Variants in WAC observed in about 807,000 individuals in gnomAD.
WAC encodes WW domain-containing adapter protein with coiled-coil.
WAC carries 11 observed loss-of-function variants against 79.6 expected under a neutral mutation model. That is an observed-to-expected ratio of 0.14 (90% CI 0.09 to 0.23). The LOEUF (loss-of-function observed/expected upper bound fraction) is 0.23. WAC is among the 10% of genes least tolerant of loss of function. The pLI, the probability that WAC is intolerant of heterozygous loss-of-function variation, is 1.00. For missense variants in WAC, 728 were observed against 773.5 expected, an observed-to-expected ratio of 0.94 and a Z score of 0.70; for synonymous variants, 304 against 276.9, an observed-to-expected ratio of 1.10 and a Z score of -0.97.
intron 1 of WAC, 163 bp downstream of exon 1, chr10:28,533,783 C>T: frequency 1.0e-6 from 1 of 986,100 alleles, no homozygotes; most frequent in East Asian, 3.0e-5. Flanking sequence ...GGCGGGAACG[C>T]AGTGTGGCGG....
At chr10:28,580,357 G>A (rs535261768) in intron 3 of WAC, among the ~76,000 whole-genome samples, 3 of 152,290 alleles carry the variant, frequency 2.0e-5, no homozygotes, top group South Asian at 2.1e-4. Flanking sequence ...TCACTAAAGC[G>A]GAGTGAATTT....
At chr10:28,614,407 A>C (rs1252346377) in intron 10 of WAC, among the ~76,000 whole-genome samples, 160 bp from the exon 11 acceptor site, 1 of 152,142 alleles carries the variant, frequency 6.6e-6, no homozygotes, top group Non-Finnish European at 1.5e-5. Flanking sequence ...TTTGATAGGG[A>C]AGTAATTTTA....
At position 28,552,346 on chromosome 10, in the gene WAC, C is replaced by T. The variant is rs546604383; in HGVS notation, c.274+16589C>T. ...CAGAATCAGGTGGTTAAAATCAGGC[C>T]TGTTGGTCAGAGTGGTAGTTTATAT... On this transcript the variant is annotated intron_variant, in intron 3 of 13. Coordinates refer to ENST00000354911, the MANE Select transcript of WAC (RefSeq NM_016628.5). Among the ~76,000 whole-genome samples, 11 of 152,186 alleles carry T rather than the reference C, an allele frequency of 7.2e-5. No individual in the cohort carries two copies. The South Asian group carries it at 1.0e-3, about 14-fold the overall frequency.
At chr10:28,582,844 T>C (rs1839608994) in intron 3 of WAC, among the ~76,000 whole-genome samples, 1 of 152,206 alleles carries the variant, frequency 6.6e-6, no homozygotes, top group African/African-American at 2.4e-5. Flanking sequence ...GAAAAGAGTC[T>C]TGATGTCATC....
rs1420022275 is a variant in WAC, at chr10:28,611,131, A to G, written c.1288+310A>G. 61 of 634,084 alleles carry G rather than the reference A, an allele frequency of 9.6e-5. 1 individual carries two copies. The South Asian group carries it at 1.1e-3, about 11-fold the overall frequency. The allele number at this position is 634,084 out of a possible 1,614,324, so 39.3% of individuals were successfully genotyped here. On this transcript the variant is annotated intron_variant, in intron 9 of 13. Coordinates refer to ENST00000354911, the MANE Select transcript of WAC (RefSeq NM_016628.5). ...TTTATGCCAAAGCTGAAAGTAAACT[A>G]TGATGTGCCATATATCTTTGTGAAA...
intron 1 of WAC, 144 bp from the exon 2 acceptor site, chr10:28,533,854 T>G: frequency 1.8e-6 from 2 of 1,118,736 alleles, no homozygotes; most frequent in Non-Finnish European, 2.6e-6. Flanking sequence ...GGCTCCGGGT[T>G]TGTGCCGTGT....
chr10:28,596,384 C>CA (rs752988352), intron 7 of WAC, among the ~76,000 whole-genome samples: 23 of 152,112 alleles, frequency 1.5e-4, no homozygotes, highest in Non-Finnish European at 2.8e-4. Context: ...TAAATCGTCT[C>CA]AGTTTTCTCT....
intron 2 of WAC, chr10:28,535,155 G>A (rs1299870627): frequency 1.4e-5 from 2 of 146,212 alleles, no homozygotes; most frequent in Non-Finnish European, 3.0e-5. Flanking sequence ...GCAAAAATAT[G>A]CATGTGCTTA....
In WAC at chr10:28,563,744, C is replaced by CTTTTTTTTTTTTTTTTT. The variant is rs71281550; in HGVS notation, c.275-19642_275-19626dup. 1.4e-3 allele frequency among the ~76,000 whole-genome samples: 98 copies of CTTTTTTTTTTTTTTTTT among 67,906 alleles called. 10 individuals carry two copies. Among genetic ancestry groups the CTTTTTTTTTTTTTTTTT allele is most frequent in the Non-Finnish European group, 1.9e-3 (74 of 38,898 alleles). 44.5% of individuals were successfully genotyped at this position (67,906 alleles called of 152,430 possible). On this transcript the variant is annotated intron_variant, in intron 3 of 13. Transcript: ENST00000354911. The stretch of plus-strand genomic sequence containing the variant: ...ACAAGTGCATGCTGCCTACACCCAG[C>CTTTTTTTTTTTTTTTTT]TTTTTTTTTTTTTTTTTTTTTTTTT...
chr10:28,583,329 T>G, intron 3 of WAC, 70 bp from the exon 4 acceptor site: 1 of 1,154,776 alleles, frequency 8.7e-7, no homozygotes, highest in Non-Finnish European at 1.2e-6. Context: ...TCTAGTATGA[T>G]AGAAAACAGT....
chr10:28,611,107 T>G (rs1841218817), intron 9 of WAC: 1 of 596,456 alleles, frequency 1.7e-6, no homozygotes, highest in South Asian at 2.0e-5. Flanking sequence ...ATGAGTTTTT[T>G]TATGCCAAAG....
rs1841714580 is a variant in WAC at position 28,622,101 on chromosome 10, T to G, written c.*2495T>G. On this transcript the variant is annotated 3_prime_UTR_variant, in exon 14 of 14. Coordinates refer to ENST00000354911, the MANE Select transcript of WAC (RefSeq NM_016628.5). ...CATGTTGGTCAGGCTGGTCTTGAAC[T>G]GCCAACTTCAGGTGATCTGCCTGCC... 1.3e-5 allele frequency: 2 copies of G among 152,296 alleles called. No individual in the cohort carries two copies. Among genetic ancestry groups the G allele is most frequent in the South Asian group, 4.1e-4 (2 of 4,832 alleles). The allele number at this position is 152,296 out of a possible 1,614,324, so 9.4% of individuals were successfully genotyped here.
At chr10:28,548,867 A>T (rs1367853119) in intron 3 of WAC, among the ~76,000 whole-genome samples, 2 of 152,126 alleles carry the variant, frequency 1.3e-5, no homozygotes, top group Non-Finnish European at 2.9e-5. Flanking sequence ...GCAGCTAAGA[A>T]ACTCAATTTT....
intron 5 of WAC, among the ~76,000 whole-genome samples, chr10:28,590,168 C>T (rs1840012866): frequency 6.6e-6 from 1 of 151,994 alleles, no homozygotes; most frequent in African/African-American, 2.4e-5. Context: ...AAAAAGTTAG[C>T]TGTGAGTGGT....
At position 28,620,424 on chromosome 10, in the gene WAC, T is replaced by G. The variant is rs1017178718; in HGVS notation, c.*818T>G. On this transcript the variant is annotated 3_prime_UTR_variant, in exon 14 of 14. Transcript: ENST00000354911. ...ACAGGCATGTGTGCTCAAAGTACATTGATTGCTCAAATATAAGGAAATGGC... is the reference window on the plus strand; with the variant it reads ...ACAGGCATGTGTGCTCAAAGTACATGGATTGCTCAAATATAAGGAAATGGC... The G allele has an allele frequency of 6.6e-6, 1 of 152,668 alleles. No individual in the cohort carries two copies. The highest frequency in any genetic ancestry group is 1.5e-5 in the Non-Finnish European group (1 of 68,056). 9.5% of individuals were successfully genotyped at this position (152,668 alleles called of 1,614,324 possible).
rs1436270141 is a variant in WAC at position 28,621,902 on chromosome 10, A to T, written c.*2296A>T. ...TGAATTTTTTTTTTTCTTGAGACAG[A>T]GTTTCACTCTTGTTGCCCAGGCTGG... On this transcript the variant is annotated 3_prime_UTR_variant, in exon 14 of 14. Transcript: ENST00000354911. The T allele has an allele frequency of 6.6e-6, 1 of 152,068 alleles. No individual in the cohort carries two copies. The highest frequency in any genetic ancestry group is 2.1e-4 in the South Asian group (1 of 4,826). 9.4% of individuals were successfully genotyped at this position (152,068 alleles called of 1,614,324 possible).
intron 7 of WAC, among the ~76,000 whole-genome samples, chr10:28,601,713 A>G (rs776916966): frequency 5.9e-5 from 9 of 152,200 alleles, no homozygotes; most frequent in Non-Finnish European, 7.4e-5. Context: ...TACAATATTC[A>G]GCCTTCAAAG....
intron 2 of WAC, among the ~76,000 whole-genome samples, chr10:28,534,507 G>T (rs146983727): frequency 1.3e-5 from 2 of 152,238 alleles, no homozygotes; most frequent in Admixed American, 1.3e-4. Context: ...AATATTTTTG[G>T]TATACTTAAT....
chr10:28,568,580 A>G (rs1235648193), intron 3 of WAC, among the ~76,000 whole-genome samples: 1 of 151,924 alleles, frequency 6.6e-6, no homozygotes, highest in Non-Finnish European at 1.5e-5. Context: ...GTTCTAGGGT[A>G]CATGTGCACA....
Sources: gnomAD v4.1 joint callset for allele counts (sites outside exome capture counted in the v4.1 genomes callset) on GRCh38, gnomAD v4.1.1 for gene constraint, MANE v1.5 for transcripts, NCBI Gene and HGNC (gene_info 2026-07-23, HGNC 2026-07-21) for gene names.